BBS2: variants seen among roughly 807,000 people sequenced by gnomAD.
BBS2 encodes BBSome complex member BBS2.
Under a neutral mutation model 83.0 loss-of-function variants are expected in BBS2, and 62 were observed. That is an observed-to-expected ratio of 0.75 (90% CI 0.61 to 0.92). The LOEUF (loss-of-function observed/expected upper bound fraction) is 0.92. Ranked by LOEUF, BBS2 falls within the 40% of genes least tolerant of loss-of-function variation. The pLI, the probability that BBS2 is intolerant of heterozygous loss-of-function variation, is 0.00. For synonymous variants in BBS2, 303 were observed against 326.1 expected (o/e 0.93, Z 0.76); for missense variants, 784 against 901.0 (o/e 0.87, Z 1.66).
intron 15 of BBS2, among the ~76,000 whole-genome samples, chr16:56,492,043 T>A (rs1963967471): frequency 6.6e-6 from 1 of 151,002 alleles, no homozygotes; most frequent in African/African-American, 2.4e-5. Context: ...AATTTAAATT[T>A]TTAATGATTA....
rs1480308952 is a variant in BBS2 at position 56,497,064 on chromosome 16, A to C, written c.1813T>G (p.Ser605Ala). 3.1e-6 allele frequency: 5 copies of C among 1,612,192 alleles called. No homozygotes were observed. Among genetic ancestry groups the C allele is most frequent in the Non-Finnish European group, 4.2e-6 (5 of 1,178,312 alleles). The change falls in exon 15 of 17, where the codon TCA (serine) becomes GCA (alanine). Residue 605 changes from serine (S) to alanine (A), a missense_variant. Transcript: ENST00000245157. ...KVLVKVDEYHSVHQKLSADMA... is the reference protein window; with the variant it reads ...KVLVKVDEYHAVHQKLSADMA... ...TCAGCACTGAGCTTCTGATGCACTG[A>C]ATGATATTCATCCACCTGGAGACCA...
intron 12 of BBS2, chr16:56,498,793 C>CT: frequency 1.6e-6 from 2 of 1,220,568 alleles, no homozygotes; most frequent in Non-Finnish European, 2.2e-6. Flanking sequence ...CACCTATGCT[C>CT]TTAAGTAACA....
intron 15 of BBS2, among the ~76,000 whole-genome samples, chr16:56,496,247 A>G (rs1228051581): frequency 1.3e-5 from 2 of 152,168 alleles, no homozygotes; most frequent in Non-Finnish European, 2.9e-5. Flanking sequence ...AGCAAGCACC[A>G]AGGAAGACCT....
At chr16:56,508,682 TTGCCCCTGGGTGGAA>T (rs1964494827) in intron 5 of BBS2, among the ~76,000 whole-genome samples, 7 of 128 alleles carry the variant, frequency 0.055, no homozygotes, top group Admixed American at 0.15. Flanking sequence ...CTTGTTCTCG[TTGCCCCTGGGTGGAA>T]TGCAGTGGCG....
chr16:56,515,859 C>T (rs1021427867), intron 1 of BBS2, among the ~76,000 whole-genome samples: 1 of 152,236 alleles, frequency 6.6e-6, no homozygotes, highest in African/African-American at 2.4e-5. Context: ...AGAGTTAAGG[C>T]CCTTTGCCAA....
intron 5 of BBS2, chr16:56,509,646 A>G (rs9937444): frequency 0.66 from 224,598 of 338,934 alleles, 77,311 homozygotes; most frequent in African/African-American, 0.93. Context: ...CCTGGCATAC[A>G]ATAGGTACAT....
chr16:56,481,478 G>A (rs2144086400), downstream of BBS2, among the ~76,000 whole-genome samples: 1 of 152,196 alleles, frequency 6.6e-6, no homozygotes, highest in African/African-American at 2.4e-5. Flanking sequence ...AGTCATGGTG[G>A]GAAATAATAC....
downstream of BBS2, chr16:56,470,422 T>G: frequency 7.0e-7 from 1 of 1,434,668 alleles, no homozygotes. Flanking sequence ...AACGATCAGC[T>G]TTTATTCTGT....
At position 56,519,747 on chromosome 16, in the gene BBS2, T is replaced by C. The variant is rs779677560; in HGVS notation, c.116A>G (p.Lys39Arg). 6 of 1,612,408 alleles carry C rather than the reference T, an allele frequency of 3.7e-6. No individual in the cohort carries two copies. In the African/African-American group the frequency reaches 4.0e-5, roughly 11 times the overall value. The change falls in exon 1 of 17, where the codon AAG becomes AGG. Residue 39 changes from lysine (K) to arginine (R), a missense_variant and splice_region_variant. Lys to Arg is a conservative substitution (Grantham distance 26, BLOSUM62 2). Coordinates refer to ENST00000245157, the MANE Select transcript of BBS2 (RefSeq NM_031885.5). Reference sequence around the variant, plus strand: ...CTCCCTGCGGGTGGGAGCGGTTACCTTGCCCGTTTGGGTGGCGGCCGCCAG... The same window carrying C: ...CTCCCTGCGGGTGGGAGCGGTTACCCTGCCCGTTTGGGTGGCGGCCGCCAG... The part of the protein sequence containing the change: ...PCLAAATQTG[K>R]VFIHNPHTRN...
chr16:56,518,607 GC>G (rs1169018362), intron 1 of BBS2, among the ~76,000 whole-genome samples: 1 of 133,600 alleles, frequency 7.5e-6, no homozygotes, highest in Non-Finnish European at 1.7e-5. Context: ...CCTATGCCAT[GC>G]TGCTGCCGTT....
intron 7 of BBS2, among the ~76,000 whole-genome samples, chr16:56,505,722 C>T (rs527681206): frequency 2.6e-5 from 4 of 152,268 alleles, no homozygotes; most frequent in African/African-American, 4.8e-5. Context: ...AGAATCTCCC[C>T]GAAGATTTCC....
chr16:56,508,271 A>G (rs753115097), intron 5 of BBS2, among the ~76,000 whole-genome samples: 1 of 152,202 alleles, frequency 6.6e-6, no homozygotes, highest in Non-Finnish European at 1.5e-5. Flanking sequence ...TATGAGTGAC[A>G]TGAAGCAAGT....
At chr16:56,499,716 G>A (rs779429643) in intron 12 of BBS2, 62 bp downstream of exon 12, 60 of 1,604,162 alleles carry the variant, frequency 3.7e-5, no homozygotes, top group Non-Finnish European at 4.9e-5. Flanking sequence ...CCCTTTCTAT[G>A]AAATAACATC....
At chr16:56,481,561 CAA>C (rs1216008018), downstream of BBS2, among the ~76,000 whole-genome samples, 3 of 152,184 alleles carry the variant, frequency 2.0e-5, no homozygotes, top group African/African-American at 7.2e-5. Context: ...TCAAAATCCT[CAA>C]AGTCAGCTTT....
intron 17 of BBS2, among the ~76,000 whole-genome samples, chr16:56,474,034 C>G (rs1050115657): frequency 4.6e-5 from 7 of 152,120 alleles, no homozygotes; most frequent in Admixed American, 1.3e-4. Flanking sequence ...GTCTTGAACT[C>G]CTGACCTCAG....
intron 5 of BBS2, among the ~76,000 whole-genome samples, chr16:56,507,648 A>G (rs1341362506): frequency 5.3e-5 from 8 of 152,094 alleles, no homozygotes; most frequent in African/African-American, 1.9e-4. Flanking sequence ...TCTCTTCAGA[A>G]AGCACATATA....
intron 1 of BBS2, among the ~76,000 whole-genome samples, chr16:56,518,531 T>C (rs1014834032): frequency 6.6e-6 from 1 of 152,242 alleles, no homozygotes; most frequent in Non-Finnish European, 1.5e-5. Flanking sequence ...ACGTATTAGG[T>C]ACTATTATTA....
At chr16:56,480,144 T>C (rs971519972), downstream of BBS2, among the ~76,000 whole-genome samples, 1 of 152,146 alleles carries the variant, frequency 6.6e-6, no homozygotes, top group Non-Finnish European at 1.5e-5. Context: ...GGAAGTACCC[T>C]ATAAATAACA....
chr16:56,515,439 T>G (rs1482508351), intron 1 of BBS2, among the ~76,000 whole-genome samples: 1 of 151,998 alleles, frequency 6.6e-6, no homozygotes, highest in African/African-American at 2.4e-5. Context: ...AGGACCACAG[T>G]ACAAAAAGAG....
Sources: allele counts gnomAD v4.1 joint callset (sites outside exome capture counted in the v4.1 genomes callset), GRCh38; gene constraint gnomAD v4.1.1; transcripts MANE v1.5; gene names NCBI Gene and HGNC (gene_info 2026-07-23, HGNC 2026-07-21).